Variants in PRKAR2B observed in about 807,000 individuals in gnomAD.
The protein encoded by PRKAR2B is protein kinase cAMP-dependent type II regulatory subunit beta, also known as cAMP-dependent protein kinase type II-beta regulatory subunit.
PRKAR2B carries 14 observed loss-of-function variants against 49.9 expected under a neutral mutation model. The ratio of observed to expected loss-of-function variants is 0.28; its 90% CI spans 0.19 to 0.44. The LOEUF is 0.44. Among genes scored for constraint, PRKAR2B ranks in the 20% least tolerant of loss-of-function variants. The pLI is 1.00. For synonymous variants in PRKAR2B, 196 were observed against 197.7 expected (o/e 0.99, Z 0.07); for missense variants, 393 against 537.9 (o/e 0.73, Z 2.67).
intron 2 of PRKAR2B, among the ~76,000 whole-genome samples, chr7:107,082,710 C>T (rs188725911): frequency 6.6e-6 from 1 of 152,156 alleles, no homozygotes. Context: ...CCTCCCTCTG[C>T]AGCCTCTTGA....
At chr7:107,119,094 T>G (rs1269377901) in intron 2 of PRKAR2B, among the ~76,000 whole-genome samples, 1 of 152,204 alleles carries the variant, frequency 6.6e-6, no homozygotes, top group Non-Finnish European at 1.5e-5. Context: ...AAATAGTAGA[T>G]TCTTACTCCA....
At chr7:107,090,611 C>T (rs1346420910) in intron 2 of PRKAR2B, among the ~76,000 whole-genome samples, 1 of 152,206 alleles carries the variant, frequency 6.6e-6, no homozygotes, top group Non-Finnish European at 1.5e-5. Flanking sequence ...AAGGCAGTGT[C>T]TCTGTTGGCT....
At chr7:107,078,201 CA>C (rs66861003) in intron 2 of PRKAR2B, 197 of 116,918 alleles carry the variant, frequency 1.7e-3, no homozygotes, top group Non-Finnish European at 1.9e-3. Flanking sequence ...GATACTCCAT[CA>C]AAAAAAAAAA....
chr7:107,111,902 C>T (rs1795180138), intron 2 of PRKAR2B, among the ~76,000 whole-genome samples: 1 of 147,920 alleles, frequency 6.8e-6, no homozygotes, highest in Admixed American at 7.0e-5. Flanking sequence ...TGAGGTGGCT[C>T]ATGCCAGTAA....
chr7:107,080,813 C>G (rs557538876), intron 2 of PRKAR2B, among the ~76,000 whole-genome samples: 2 of 152,078 alleles, frequency 1.3e-5, no homozygotes, highest in East Asian at 1.9e-4. Flanking sequence ...ATTTAACAGT[C>G]AAATATTCAA....
chr7:107,082,860 A>C (rs1794539078), intron 2 of PRKAR2B, among the ~76,000 whole-genome samples: 1 of 152,168 alleles, frequency 6.6e-6, no homozygotes, highest in Non-Finnish European at 1.5e-5. Context: ...TTGGTCTCCC[A>C]AAGTGTTGGG....
intron 8 of PRKAR2B, among the ~76,000 whole-genome samples, chr7:107,156,049 G>T (rs1482081938): frequency 6.6e-6 from 1 of 152,102 alleles, no homozygotes; most frequent in African/African-American, 2.4e-5. Flanking sequence ...AGTGGGAGTT[G>T]AACAATAAGA....
At chr7:107,098,512 T>G (rs1794893675) in intron 2 of PRKAR2B, among the ~76,000 whole-genome samples, 1 of 152,260 alleles carries the variant, frequency 6.6e-6, no homozygotes, top group African/African-American at 2.4e-5. Context: ...CCGCCTTCTC[T>G]CAACTCGTCA....
chr7:107,140,772 A>C (rs1795778051), intron 4 of PRKAR2B, 75 bp from the exon 5 acceptor site: 3 of 1,071,740 alleles, frequency 2.8e-6, no homozygotes, highest in Non-Finnish European at 4.1e-6. Context: ...TGTTCACAGA[A>C]ATATAACTGT....
At chr7:107,079,942 G>C (rs1794485224) in intron 2 of PRKAR2B, among the ~76,000 whole-genome samples, 1 of 152,158 alleles carries the variant, frequency 6.6e-6, no homozygotes, top group Admixed American at 6.5e-5. Context: ...TGTGTGCTGG[G>C]GTAAGGACCA....
chr7:107,153,860 T>C (rs555113316), intron 8 of PRKAR2B, among the ~76,000 whole-genome samples: 1 of 152,212 alleles, frequency 6.6e-6, no homozygotes, highest in Non-Finnish European at 1.5e-5. Context: ...CCTAGTTATA[T>C]TTTTGAAGCA....
intron 4 of PRKAR2B, among the ~76,000 whole-genome samples, chr7:107,139,861 C>A (rs1241339394): frequency 6.6e-6 from 1 of 152,072 alleles, no homozygotes; most frequent in African/African-American, 2.4e-5. Flanking sequence ...TCTTTTTTCC[C>A]CTTTGAATCT....
intron 1 of PRKAR2B, among the ~76,000 whole-genome samples, chr7:107,066,072 G>A (rs1357818186): frequency 6.6e-6 from 1 of 152,168 alleles, no homozygotes; most frequent in Non-Finnish European, 1.5e-5. Flanking sequence ...GATATTCATA[G>A]GAACATAGGA....
chr7:107,141,738 T>C (rs1374467712), intron 5 of PRKAR2B, among the ~76,000 whole-genome samples: 1 of 152,146 alleles, frequency 6.6e-6, no homozygotes, highest in Non-Finnish European at 1.5e-5. Flanking sequence ...AATGCAAATA[T>C]TTCACAGGGG....
intron 2 of PRKAR2B, among the ~76,000 whole-genome samples, chr7:107,083,682 G>A (rs1383082099): frequency 1.3e-5 from 2 of 151,912 alleles, no homozygotes; most frequent in Non-Finnish European, 2.9e-5. Flanking sequence ...GCATGATCTC[G>A]GCTCACTGCA....
In PRKAR2B at chr7:107,140,951, T is replaced by C. The variant is rs1795780578; in HGVS notation, c.585T>C (p.Asp195=). Residue 195 remains aspartate (D), a splice_region_variant and synonymous_variant, in exon 5 of 11, where the codon GAT becomes GAC. Transcript: ENST00000265717. The stretch of plus-strand genomic sequence containing the variant: ...ATGGTGACAACTTTTATGTAATTGA[T>C]AGGTAAGTTTTGCCCAACCTTACTA... The part of the protein sequence containing the change: ...GDDGDNFYVI[D]RGTFDIYVKC... The C allele has an allele frequency of 6.2e-7, 1 of 1,608,210 alleles. No homozygotes were observed. The highest frequency in any genetic ancestry group is 1.7e-5 in the Admixed American group (1 of 59,300).
intron 6 of PRKAR2B, among the ~76,000 whole-genome samples, chr7:107,148,090 G>A (rs1000029448): frequency 2.6e-5 from 4 of 152,230 alleles, no homozygotes; most frequent in African/African-American, 9.7e-5. Flanking sequence ...GGAAAGAACT[G>A]TCAGTGATTT....
At chr7:107,148,558 C>T (rs1190002071) in intron 6 of PRKAR2B, among the ~76,000 whole-genome samples, 1 of 152,080 alleles carries the variant, frequency 6.6e-6, no homozygotes, top group African/African-American at 2.4e-5. Context: ...TAATAGCTTT[C>T]TAAAAAAGTT....
intron 2 of PRKAR2B, among the ~76,000 whole-genome samples, chr7:107,099,090 G>T (rs1232784228): frequency 6.6e-6 from 1 of 152,204 alleles, no homozygotes; most frequent in African/African-American, 2.4e-5. Context: ...GGTGCCTTTT[G>T]TTCAGCTATG....
Sources: allele counts gnomAD v4.1 joint callset (sites outside exome capture counted in the v4.1 genomes callset), GRCh38; gene constraint gnomAD v4.1.1; transcripts MANE v1.5; gene names NCBI Gene and HGNC (gene_info 2026-07-23, HGNC 2026-07-21).